UTRN: variants seen among roughly 807,000 people sequenced by gnomAD.
UTRN encodes dystrophin-related protein 1.
In UTRN, 283 loss-of-function variants were observed where a neutral mutation model predicts 463.9. The ratio of observed to expected loss-of-function variants is 0.61; its 90% CI spans 0.55 to 0.67. The LOEUF (loss-of-function observed/expected upper bound fraction) is 0.67, where lower values mean the gene tolerates loss of function less well. UTRN is among the 30% of genes least tolerant of loss of function. UTRN has a pLI of 0.00. For missense variants in UTRN, 3,922 were observed against 4,084.3 expected (o/e 0.96, Z 1.08); for synonymous variants, 1,442 against 1,431.5 (o/e 1.01, Z -0.17).
chr6:144,788,462 ACTTTT>A (rs1024729558), intron 61 of UTRN, among the ~76,000 whole-genome samples: 7 of 151,936 alleles, frequency 4.6e-5, no homozygotes, highest in Non-Finnish European at 1.0e-4. Context: ...ATATCACTAG[ACTTTT>A]CTTCCTGTAT....
intron 19 of UTRN, among the ~76,000 whole-genome samples, chr6:144,458,023 T>G (rs1367859500): frequency 1.3e-5 from 2 of 152,238 alleles, no homozygotes; most frequent in East Asian, 3.8e-4. Flanking sequence ...AAACCTATTA[T>G]TATATATGAC....
chr6:144,771,699 T>C lies in UTRN; in HGVS notation c.8496-208T>C, dbSNP rs566142946. On this transcript the variant is annotated intron_variant, in intron 58 of 74. Coordinates refer to ENST00000367545, the MANE Select transcript of UTRN (RefSeq NM_007124.3). ...CCTCGGCCTCCCAAAGTGCTGGGAT[T>C]ACAGGAAGAGCCACTGCCCCTGGCC... 2.0e-5 allele frequency among the ~76,000 whole-genome samples: 3 copies of C among 151,818 alleles called. No homozygotes were observed. In the East Asian group the frequency reaches 5.8e-4, roughly 30 times the overall value.
At chr6:144,346,779 C>T (rs1007317780) in intron 2 of UTRN, among the ~76,000 whole-genome samples, 4 of 152,084 alleles carry the variant, frequency 2.6e-5, no homozygotes, top group East Asian at 1.9e-4. Flanking sequence ...GCTGAGATTG[C>T]GCCACTGCAC....
chr6:144,354,841 C>G (rs1216560720), intron 2 of UTRN, among the ~76,000 whole-genome samples: 1 of 151,994 alleles, frequency 6.6e-6, no homozygotes, highest in Non-Finnish European at 1.5e-5. Context: ...TGGATGTTAC[C>G]CATCAGTGTT....
intron 46 of UTRN, among the ~76,000 whole-genome samples, chr6:144,546,301 C>A (rs1318205156): frequency 6.6e-6 from 1 of 152,172 alleles, no homozygotes; most frequent in African/African-American, 2.4e-5. Context: ...TGTTCTACAG[C>A]ATTACCAGCA....
chr6:144,416,705 A>G (rs969488866), intron 3 of UTRN, among the ~76,000 whole-genome samples: 1 of 152,192 alleles, frequency 6.6e-6, no homozygotes, highest in Non-Finnish European at 1.5e-5. Flanking sequence ...GAGTTGTGTC[A>G]TGTGGTTGTT....
intron 2 of UTRN, among the ~76,000 whole-genome samples, chr6:144,321,461 C>CTTTTTTT (rs529134208): frequency 3.0e-5 from 3 of 100,444 alleles, no homozygotes; most frequent in Non-Finnish European, 4.1e-5. Flanking sequence ...TGTGCCATAT[C>CTTTTTTT]TTTTTTTTTT....
chr6:144,842,800 ACCCACCTC>A (rs761333526), intron 73 of UTRN, among the ~76,000 whole-genome samples: 12 of 151,572 alleles, frequency 7.9e-5, no homozygotes, highest in African/African-American at 2.2e-4. Context: ...CAGTCTCCAC[ACCCACCTC>A]CCCACCTCCC....
chr6:144,487,493 A>G, intron 28 of UTRN, 55 bp from the exon 29 acceptor site: 1 of 1,467,680 alleles, frequency 6.8e-7, no homozygotes, highest in African/African-American at 1.4e-5. Context: ...GGGATCCTTG[A>G]TACCTTTTGC....
chr6:144,529,194 G>A (rs921136535), intron 41 of UTRN, among the ~76,000 whole-genome samples: 2 of 152,214 alleles, frequency 1.3e-5, no homozygotes, highest in East Asian at 3.8e-4. Context: ...TGGCCCAACA[G>A]CATTGGGTTT....
intron 61 of UTRN, 43 bp from the exon 62 acceptor site, chr6:144,789,151 G>T: frequency 6.8e-7 from 1 of 1,468,150 alleles, no homozygotes; most frequent in South Asian, 1.2e-5. Flanking sequence ...TGCTGTATAT[G>T]GTTTTAAATG....
At chr6:144,351,890 C>T (rs1355609509) in intron 2 of UTRN, among the ~76,000 whole-genome samples, 3 of 152,160 alleles carry the variant, frequency 2.0e-5, no homozygotes, top group Non-Finnish European at 4.4e-5. Context: ...CATCAGATAG[C>T]GATCCACTTG....
At position 144,797,996 on chromosome 6, in the gene UTRN, G is replaced by A. The variant is rs913851691; in HGVS notation, c.9245+6G>A. 3 of 1,613,942 alleles carry A rather than the reference G, an allele frequency of 1.9e-6. No homozygotes were observed. Among genetic ancestry groups the A allele is most frequent in the South Asian group, 1.1e-5 (1 of 91,042 alleles). On this transcript the variant is annotated splice_donor_region_variant and intron_variant, in intron 64 of 74. Coordinates refer to ENST00000367545, the MANE Select transcript of UTRN (RefSeq NM_007124.3). The stretch of plus-strand genomic sequence containing the variant: ...TGTCCAATTGTCGGGTTCAGGTAAG[G>A]CGTGCCAGTGCTGGAGGAGGCTATT...
chr6:144,782,228 C>A, intron 61 of UTRN, 105 bp downstream of exon 61: 1 of 955,926 alleles, frequency 1.0e-6, no homozygotes, highest in Non-Finnish European at 1.5e-6. Context: ...TTTCAAATTA[C>A]TTTCCCAGTG....
intron 23 of UTRN, among the ~76,000 whole-genome samples, chr6:144,466,788 C>T (rs1398973759): frequency 6.6e-6 from 1 of 152,184 alleles, no homozygotes; most frequent in Non-Finnish European, 1.5e-5. Flanking sequence ...TATTCAAGAG[C>T]TCCTGCCCTA....
At chr6:144,639,406 C>A (rs1335991125) in intron 51 of UTRN, among the ~76,000 whole-genome samples, 1 of 152,080 alleles carries the variant, frequency 6.6e-6, no homozygotes. Context: ...TATACTCTTC[C>A]CAGGCTTCCC....
intron 65 of UTRN, among the ~76,000 whole-genome samples, chr6:144,819,716 CTG>C (rs1022522605): frequency 2.6e-5 from 4 of 152,028 alleles, no homozygotes; most frequent in Admixed American, 6.5e-5. Context: ...AAGTTTCTGT[CTG>C]CAAAACAAGT....
intron 58 of UTRN, among the ~76,000 whole-genome samples, chr6:144,768,985 G>C (rs1185914065): frequency 7.2e-6 from 1 of 138,016 alleles, no homozygotes; most frequent in Non-Finnish European, 1.5e-5. Context: ...TTTATTCTTG[G>C]ATAGATTCCC....
At chr6:144,533,017 G>T in intron 42 of UTRN, 68 bp from the exon 43 acceptor site, 1 of 806,878 alleles carries the variant, frequency 1.2e-6, no homozygotes, top group Admixed American at 2.3e-5. Context: ...ACAATACTTG[G>T]GTGGATTCAT....
Sources: allele counts gnomAD v4.1 joint callset (sites outside exome capture counted in the v4.1 genomes callset), GRCh38; gene constraint gnomAD v4.1.1; transcripts MANE v1.5; gene names NCBI Gene and HGNC (gene_info 2026-07-23, HGNC 2026-07-21).